Variants in FAM120C observed in about 807,000 individuals in gnomAD.
The protein encoded by FAM120C is constitutive coactivator of PPAR-gamma-like protein 2.
FAM120C carries 14 observed loss-of-function variants against 71.2 expected under a neutral mutation model. The observed-to-expected ratio is 0.20, with a 90% CI of 0.13 to 0.31. The LOEUF is 0.31. FAM120C is among the 10% of genes least tolerant of loss of function. FAM120C has a pLI of 1.00. For synonymous variants in FAM120C, 354 were observed against 353.2 expected (o/e 1.00, Z -0.03); for missense variants, 500 against 879.0 (o/e 0.57, Z 5.45).
Position 54,183,025 on chromosome X carries a change from C to T in FAM120C, c.174G>A (p.Arg58=), listed in dbSNP as rs1431502224. 1 of 1,158,004 alleles carries T rather than the reference C, an allele frequency of 8.6e-7. No homozygotes were observed. The part of the protein sequence containing the change: ...ALAPGAPRAA[R]GSVPLQPPLP... ...GCGGCGGTTGCAGAGGCACGGAGCC[C>T]CTGGCGGCGCGTGGAGCCCCGGGCG... The change falls in exon 1 of 16, where the codon AGG becomes AGA. Residue 58 remains arginine (R), a synonymous_variant. Coordinates refer to ENST00000375180, the MANE Select transcript of FAM120C (RefSeq NM_017848.6).
chrX:54,080,438 T>G, intron 14 of FAM120C, 149 bp from the exon 15 acceptor site: 8 of 479,480 alleles, frequency 1.7e-5, no homozygotes. Flanking sequence ...TCTATCTTGG[T>G]CATTCCTATA....
At chrX:54,075,686 C>T (rs1032905145) in intron 15 of FAM120C, among the ~76,000 whole-genome samples, 1 of 108,490 alleles carries the variant, frequency 9.2e-6, no homozygotes, top group African/African-American at 3.4e-5. Flanking sequence ...GTAATCCCAG[C>T]TACTCAGGAG....
intron 4 of FAM120C, among the ~76,000 whole-genome samples, chrX:54,146,381 T>G (rs1207208400): frequency 9.1e-6 from 1 of 109,888 alleles, no homozygotes; most frequent in African/African-American, 3.3e-5. Flanking sequence ...TAGATAACAG[T>G]GAAAAATAAT....
intron 1 of FAM120C, among the ~76,000 whole-genome samples, chrX:54,173,218 T>C (rs1360210754): frequency 8.9e-6 from 1 of 112,670 alleles, no homozygotes; most frequent in Non-Finnish European, 1.9e-5. Context: ...TTTAAGTTCT[T>C]TTCATTTCAG....
Position 54,081,462 on chromosome X carries a change from T to C in FAM120C, c.2840-2A>G. The stretch of plus-strand genomic sequence containing the variant: ...CTTGGGGTGGGATTGGATGGAGACC[T>C]GGCAAGATAGAAAGAATGGTGGTAA... On this transcript the variant is annotated splice_acceptor_variant, in intron 13 of 15. Coordinates refer to ENST00000375180, the MANE Select transcript of FAM120C (RefSeq NM_017848.6). LOFTEE classifies it high-confidence loss of function. 1 of 1,203,403 alleles carries C rather than the reference T, an allele frequency of 8.3e-7. No homozygotes were observed. The highest frequency in any genetic ancestry group is 1.1e-6 in the Non-Finnish European group (1 of 891,696).
In FAM120C at chrX:54,080,280, T is replaced by C; in HGVS notation, c.2988A>G (p.Lys996=). 2 of 1,207,640 alleles carry C rather than the reference T, an allele frequency of 1.7e-6. No individual in the cohort carries two copies. The highest frequency in any genetic ancestry group is 2.2e-6 in the Non-Finnish European group (2 of 892,390). ...SVGGPGKGHG[K]EQTGRGSKGH... ...CCTTGGATCCTCTACCAGTCTGTTC[T>C]TTTCCATGCCTTTAGCAAGTGAGAA... Residue 996 remains lysine, a synonymous_variant, in exon 15 of 16, where the codon AAA becomes AAG. Transcript: ENST00000375180.
At chrX:54,091,862 G>A (rs1015931785) in intron 10 of FAM120C, among the ~76,000 whole-genome samples, 1 of 111,504 alleles carries the variant, frequency 9.0e-6, no homozygotes, top group African/African-American at 3.3e-5. Context: ...CAATGCACCA[G>A]CTTCCATATT....
intron 13 of FAM120C, among the ~76,000 whole-genome samples, chrX:54,083,472 CA>C (rs1569531495): frequency 3.4e-4 from 37 of 107,510 alleles, no homozygotes; most frequent in African/African-American, 1.2e-3. Flanking sequence ...CACACACACA[CA>C]CACACCAAAA....
In FAM120C at chrX:54,183,243, A is replaced by G; in HGVS notation, c.-45T>C. 1 of 803,543 alleles carries G rather than the reference A, an allele frequency of 1.2e-6. No individual in the cohort carries two copies. The allele number at this position is 803,543 out of a possible 1,213,427, so 66.2% of individuals were successfully genotyped here. A position where few individuals can be genotyped will look rare whatever the true frequency, so the allele number is the denominator to read the frequency against. ...GCGATAGCGGCTGCGCAAGCAGGAT[A>G]GGCGACGATCTGGGCGCGAAGCTGG... On this transcript the variant is annotated 5_prime_UTR_variant, in exon 1 of 16. Transcript: ENST00000375180.
At chrX:54,107,309 C>CTGGT (rs1384128351) in intron 10 of FAM120C, among the ~76,000 whole-genome samples, 3 of 108,854 alleles carry the variant, frequency 2.8e-5, no homozygotes, top group African/African-American at 1.0e-4. Context: ...GTTAGCCAGG[C>CTGGT]TGGTCTCAAA....
At position 54,090,301 on chromosome X, in the gene FAM120C, G is replaced by C. The variant is rs781826350; in HGVS notation, c.2427+1011C>G. 2.1e-4 allele frequency among the ~76,000 whole-genome samples: 23 copies of C among 107,538 alleles called. 1 individual carries two copies. Among genetic ancestry groups the C allele is most frequent in the African/African-American group, 7.8e-4 (23 of 29,432 alleles). The allele number at this position is 107,538 out of a possible 115,157, so 93.4% of individuals were successfully genotyped here. A position where few individuals can be genotyped will look rare whatever the true frequency, so the allele number is the denominator to read the frequency against. ...GGCTGGAGTACAATGGTGCAATCTC[G>C]GCTCACTGCAATCTCCGCCTCCCGG... is the stretch of plus-strand genomic sequence containing the variant. On this transcript the variant is annotated intron_variant, in intron 11 of 15. Transcript: ENST00000375180.
chrX:54,085,769 G>A lies in FAM120C; in HGVS notation c.2785C>T (p.Arg929Ter). 1 of 1,211,385 alleles carries A rather than the reference G, an allele frequency of 8.3e-7. No individual in the cohort carries two copies. Among genetic ancestry groups the A allele is most frequent in the Non-Finnish European group, 1.1e-6 (1 of 895,429 alleles). ...GGAAGTGGCATGGAGCCCATAGCTC[G>A]GGAATAAAGTGAAACAGGGTAGAGA... ...PSLYPVSLYS[R>*]AMGSMPLPPQ... Residue 929 changes from arginine to a stop codon, truncating the protein, a stop_gained, in exon 13 of 16, where the codon CGA becomes TGA. Transcript: ENST00000375180. LOFTEE classifies it high-confidence loss of function.
intron 13 of FAM120C, among the ~76,000 whole-genome samples, chrX:54,083,382 C>T (rs2066776648): frequency 9.4e-6 from 1 of 106,733 alleles, no homozygotes; most frequent in Non-Finnish European, 1.9e-5. Flanking sequence ...CAGGCAGGAT[C>T]GCTTAAGCCC....
At chrX:54,115,962 T>C (rs2066965610) in intron 10 of FAM120C, among the ~76,000 whole-genome samples, 1 of 110,680 alleles carries the variant, frequency 9.0e-6, no homozygotes, top group Non-Finnish European at 1.9e-5. Flanking sequence ...ATGCCTGCAA[T>C]CCCAGCTACT....
intron 1 of FAM120C, among the ~76,000 whole-genome samples, chrX:54,172,774 G>A (rs1015170697): frequency 7.2e-5 from 8 of 111,633 alleles, no homozygotes; most frequent in Admixed American, 2.9e-4. Flanking sequence ...CTGTAGGTCC[G>A]ATGGGGTAGG....
chrX:54,126,145 C>G (rs979533205), intron 9 of FAM120C, among the ~76,000 whole-genome samples: 6 of 111,912 alleles, frequency 5.4e-5, no homozygotes, highest in African/African-American at 1.9e-4. Flanking sequence ...TGACTATATG[C>G]CATCTGCAAT....
intron 1 of FAM120C, among the ~76,000 whole-genome samples, chrX:54,170,561 A>G (rs1455338772): frequency 8.9e-6 from 1 of 112,277 alleles, no homozygotes; most frequent in African/African-American, 3.2e-5. Context: ...TGTGTCAACC[A>G]TGGGCTGGAA....
rs1557126635 is a variant in FAM120C at position 54,116,547 on chromosome X, G to T, written c.2310C>A (p.Leu770=). 4 of 1,207,296 alleles carry T rather than the reference G, an allele frequency of 3.3e-6. No homozygotes were observed. In the South Asian group the frequency reaches 5.3e-5, roughly 16 times the overall value. Reference sequence around the variant, plus strand: ...CACCTGCCTGTCAGGTAGCTTACCGGAGTACACAACACATGAGCAGCAGAT... The same window carrying T: ...CACCTGCCTGTCAGGTAGCTTACCGTAGTACACAACACATGAGCAGCAGAT... ...PTHLLLMCCV[L]RYMVQWPGGR... is the part of the protein sequence containing the mutation. The change falls in exon 10 of 16, where the codon CTC becomes CTA. Residue 770 remains leucine (L), a splice_region_variant and synonymous_variant. Coordinates refer to ENST00000375180, the MANE Select transcript of FAM120C (RefSeq NM_017848.6).
At chrX:54,092,764 G>T (rs1557122809) in intron 10 of FAM120C, among the ~76,000 whole-genome samples, 2 of 111,495 alleles carry the variant, frequency 1.8e-5, no homozygotes, top group African/African-American at 6.5e-5. Context: ...TGGATTTATA[G>T]TTCCTTGATT....
Sources: gnomAD v4.1 joint callset for allele counts (sites outside exome capture counted in the v4.1 genomes callset) on GRCh38, gnomAD v4.1.1 for gene constraint, MANE v1.5 for transcripts, NCBI Gene and HGNC (gene_info 2026-07-23, HGNC 2026-07-21) for gene names.